The following PHF19 variants were observed in gnomAD, a reference collection of about 807,000 sequenced individuals.
PHF19 encodes the protein PHD finger protein 19, also known as polycomb like 3.
Under a neutral mutation model 79.8 loss-of-function variants are expected in PHF19, and 21 were observed. The observed-to-expected ratio is 0.26, with a 90% CI of 0.19 to 0.38. The LOEUF (loss-of-function observed/expected upper bound fraction) is 0.38, where lower values mean the gene tolerates loss of function less well. Among genes scored for constraint, PHF19 ranks in the 10% least tolerant of loss-of-function variants. PHF19 has a pLI of 1.00. For missense variants in PHF19, 445 were observed against 744.2 expected, an observed-to-expected ratio of 0.60 and a Z score of 4.68; for synonymous variants, 273 against 296.3, an observed-to-expected ratio of 0.92 and a Z score of 0.81.
intron 1 of PHF19, among the ~76,000 whole-genome samples, chr9:120,886,394 G>A (rs1034275165): frequency 2.6e-5 from 4 of 152,206 alleles, no homozygotes; most frequent in African/African-American, 4.8e-5. Flanking sequence ...TATGGACACC[G>A]AACCAAAATA....
At chr9:120,882,110 G>C (rs1367553732), upstream of PHF19, among the ~76,000 whole-genome samples, 4 of 152,210 alleles carry the variant, frequency 2.6e-5, no homozygotes, top group Non-Finnish European at 4.4e-5. Context: ...GGTGTGGCAG[G>C]CATCAGGTCC....
chr9:120,883,628 C>T (rs1004048349), intron 1 of PHF19, among the ~76,000 whole-genome samples: 5 of 152,184 alleles, frequency 3.3e-5, no homozygotes, highest in African/African-American at 1.2e-4. Context: ...GGCATGGTGG[C>T]ATGCACCTGT....
chr9:120,878,010 T>G (rs536227167), upstream of PHF19, among the ~76,000 whole-genome samples: 2 of 152,180 alleles, frequency 1.3e-5, no homozygotes, highest in South Asian at 4.1e-4. Flanking sequence ...GGCATTCAGA[T>G]AGGTTGTGGA....
In PHF19 at chr9:120,862,719, C is replaced by T. The variant is rs761266803; in HGVS notation, c.999G>A (p.Lys333=). The T allele has an allele frequency of 3.7e-6, 6 of 1,614,174 alleles. No homozygotes were observed. The highest frequency in any genetic ancestry group is 2.2e-5 in the East Asian group (1 of 44,878). The stretch of plus-strand genomic sequence containing the variant: ...GGATGCGCAGGCGGAAGATGCACTT[C>T]TTCTTCTTGATCTCCTTGCCGCAGA... The part of the protein sequence containing the change: ...RFLCGKEIKK[K]KCIFRLRIRV... Residue 333 remains lysine (K), a synonymous_variant, in exon 11 of 15, where the codon AAG becomes AAA. Transcript: ENST00000373896. The surrounding 1 kb of genome is among the most constrained non-coding windows in gnomAD (Gnocchi z 4.6).
intron 3 of PHF19, among the ~76,000 whole-genome samples, 153 bp downstream of exon 3, chr9:120,873,826 A>G (rs557417093): frequency 6.6e-6 from 1 of 152,360 alleles, no homozygotes; most frequent in South Asian, 2.1e-4. Context: ...ATATACAACC[A>G]GATTTGATCA....
At chr9:120,865,988 G>T (rs769254784) in intron 8 of PHF19, 40 bp downstream of exon 8, 1 of 1,580,316 alleles carries the variant, frequency 6.3e-7, no homozygotes, top group East Asian at 2.2e-5. Flanking sequence ...GGAGAAGCTG[G>T]GAGGAGCAGC....
At chr9:120,892,805 T>C (rs2046359814) in intron 1 of PHF19, among the ~76,000 whole-genome samples, 1 of 152,158 alleles carries the variant, frequency 6.6e-6, no homozygotes, top group Non-Finnish European at 1.5e-5. Flanking sequence ...CCCATAAAAA[T>C]AGTAAGTGCT....
chr9:120,872,066 A>AAAAG (rs1564506588), intron 3 of PHF19, among the ~76,000 whole-genome samples: 10 of 148,594 alleles, frequency 6.7e-5, no homozygotes, highest in Non-Finnish European at 1.2e-4. Context: ...AAAAAAAAAA[A>AAAAG]AAGAAATGGT....
rs527364525 is a variant in PHF19, at chr9:120,862,776, G to A, written c.969-27C>T. On this transcript the variant is annotated intron_variant, in intron 10 of 14. Transcript: ENST00000373896. The surrounding 1 kb of genome is among the most constrained non-coding windows in gnomAD (Gnocchi z 4.6). ...TGGGGGTGGGCAGTGGGAGGAAGAA[G>A]CTCTGGAGTCTGTCAGTCCATCCTC... The A allele has an allele frequency of 6.2e-7, 1 of 1,611,674 alleles. No individual in the cohort carries two copies. The highest frequency in any genetic ancestry group is 1.7e-5 in the Admixed American group (1 of 59,988).
chr9:120,899,109 G>T (rs1393617245), upstream of PHF19, among the ~76,000 whole-genome samples: 2 of 151,608 alleles, frequency 1.3e-5, no homozygotes, highest in Non-Finnish European at 2.9e-5. Context: ...TGAGGCAGGA[G>T]AATCTGTTGA....
In PHF19 at chr9:120,855,730, T is replaced by C. The variant is rs2045349681; in HGVS notation, c.*2214A>G. The C allele has an allele frequency of 6.5e-6, 1 of 152,698 alleles. No homozygotes were observed. Among genetic ancestry groups the C allele is most frequent in the South Asian group, 2.1e-4 (1 of 4,836 alleles). 9.5% of individuals were successfully genotyped at this position (152,698 alleles called of 1,614,324 possible). On this transcript the variant is annotated 3_prime_UTR_variant, in exon 15 of 15. Coordinates refer to ENST00000373896, the MANE Select transcript of PHF19 (RefSeq NM_015651.3). ...TAACAAATGTTATTAAAAGCAGCAA[T>C]TAAAAACCATGAATCTTTTTGAAGG...
chr9:120,864,992 C>T (rs1415760912), intron 9 of PHF19, among the ~76,000 whole-genome samples: 1 of 151,716 alleles, frequency 6.6e-6, no homozygotes, highest in Non-Finnish European at 1.5e-5. Flanking sequence ...ACCAACTCTA[C>T]GTATCTTTTA....
chr9:120,881,471 A>G (rs2046184047), upstream of PHF19, among the ~76,000 whole-genome samples: 1 of 151,970 alleles, frequency 6.6e-6, no homozygotes. Context: ...TTCTATCTGT[A>G]TGTTTTATTT....
chr9:120,886,974 G>C (rs1170240994), intron 1 of PHF19, among the ~76,000 whole-genome samples: 1 of 151,570 alleles, frequency 6.6e-6, no homozygotes, highest in Non-Finnish European at 1.5e-5. Flanking sequence ...GCTGAGGCAG[G>C]AGAATTGCTT....
chr9:120,858,111 T>C lies in PHF19; in HGVS notation c.1576A>G (p.Ser526Gly). 7 of 1,614,212 alleles carry C rather than the reference T, an allele frequency of 4.3e-6. No individual in the cohort carries two copies. Among genetic ancestry groups the C allele is most frequent in the Non-Finnish European group, 5.9e-6 (7 of 1,180,002 alleles). The change falls in exon 15 of 15, where the codon AGT becomes GGT. Residue 526 changes from serine (S) to glycine (G), a missense_variant. Physicochemically the swap from Ser to Gly is moderately conservative, Grantham distance 56. Around this residue, in one of 5 missense-constraint regions of PHF19, gnomAD observed 125 missense variants for 180.5 expected, o/e 0.69. Transcript: ENST00000373896. Reference sequence around the variant, plus strand: ...TGGGACAGGGATGAGTCATCTTCACTGATGCTCTCAAATGTGTGGCTGTCA... The same window carrying C: ...TGGGACAGGGATGAGTCATCTTCACCGATGCTCTCAAATGTGTGGCTGTCA... ...GIDSHTFESI[S>G]EDDSSLSHLK...
chr9:120,877,144 G>A lies in PHF19; in HGVS notation c.-69C>T. On this transcript the variant is annotated 5_prime_UTR_variant, in exon 1 of 15. Transcript: ENST00000373896. ...TTGGAGTCTGGCCACCAGGCGCATC[G>A]GTGGCGGAGGCGGCTGCGCTCGGCC... 1.0e-6 allele frequency: 1 copy of A among 984,990 alleles called. No homozygotes were observed. Among genetic ancestry groups the A allele is most frequent in the Non-Finnish European group, 1.2e-6 (1 of 829,788 alleles). The allele number at this position is 984,990 out of a possible 1,614,324, so 61.0% of individuals were successfully genotyped here. A position where few individuals can be genotyped will look rare whatever the true frequency, so the allele number is the denominator to read the frequency against.
In PHF19 at chr9:120,887,055, G is replaced by C. The variant is rs182849393; in HGVS notation, c.42+7733C>G. On this transcript the variant is annotated intron_variant, in intron 1 of 14. Transcript: ENST00000616568. ...CACTCCAGCCTAGGTGACAGAGCCA[G>C]ACTCTGTCTAAAAAAAAAAAAAGAA... 6.6e-5 allele frequency among the ~76,000 whole-genome samples: 9 copies of C among 137,040 alleles called. No homozygotes were observed. In the East Asian group the frequency reaches 1.7e-3, roughly 26 times the overall value. The allele number at this position is 137,040 out of a possible 152,430, so 89.9% of individuals were successfully genotyped here.
chr9:120,865,660 T>C lies in PHF19; in HGVS notation c.900+50A>G, dbSNP rs758454279. ...ATCCTAGTCCTGCACTGCGTGGCCC[T>C]GGGCAAACCTCTCTGCCTCCTGCCA... On this transcript the variant is annotated intron_variant, in intron 9 of 14. Coordinates refer to ENST00000373896, the MANE Select transcript of PHF19 (RefSeq NM_015651.3). 6.2e-6 allele frequency: 10 copies of C among 1,611,342 alleles called. No homozygotes were observed. The East Asian group carries it at 8.9e-5, about 14-fold the overall frequency.
chr9:120,881,728 T>A (rs540625281), upstream of PHF19, among the ~76,000 whole-genome samples: 3 of 152,242 alleles, frequency 2.0e-5, no homozygotes, highest in South Asian at 6.2e-4. Context: ...GTGCACAGTG[T>A]CCCCTCATGC....
Sources: gnomAD v4.1 joint callset for allele counts (sites outside exome capture counted in the v4.1 genomes callset) on GRCh38, gnomAD v4.1.1 for gene constraint, gnomAD v4.1.1 regional missense constraint, Gnocchi (gnomAD v3.1) non-coding constraint, MANE v1.5 for transcripts, NCBI Gene and HGNC (gene_info 2026-07-23, HGNC 2026-07-21) for gene names.